AKR1C4: variants seen among roughly 807,000 people sequenced by gnomAD.
AKR1C4 encodes the protein 3-alpha-HSD1.
In AKR1C4, 44 loss-of-function variants were observed where a neutral mutation model predicts 41.0. The ratio of observed to expected loss-of-function variants is 1.07; its 90% confidence interval spans 0.84 to 1.38. AKR1C4 has a LOEUF of 1.38. Ranked by LOEUF, AKR1C4 falls within the 40% of genes most tolerant of loss-of-function variation. The pLI, the probability that AKR1C4 is intolerant of heterozygous loss-of-function variation, is 0.00. For synonymous variants in AKR1C4, 165 were observed against 137.7 expected (o/e 1.20, Z -1.39); for missense variants, 438 against 387.9 (o/e 1.13, Z -1.09).
intron 5 of AKR1C4, among the ~76,000 whole-genome samples, chr10:5,210,903 A>C (rs7475279): frequency 0.11 from 17,196 of 152,234 alleles, 1,189 homozygotes; most frequent in Admixed American, 0.17. Flanking sequence ...AGCCACCACG[A>C]CCAGCCCCAT....
chr10:5,201,227 C>A (rs1344316345), intron 2 of AKR1C4, among the ~76,000 whole-genome samples: 1 of 152,104 alleles, frequency 6.6e-6, no homozygotes, highest in African/African-American at 2.4e-5. Flanking sequence ...TCCTACCAGC[C>A]GTGTAAAAGT....
intron 6 of AKR1C4, 133 bp downstream of exon 6, chr10:5,212,858 C>T (rs1831977): frequency 7.2e-7 from 1 of 1,382,048 alleles, no homozygotes; most frequent in Non-Finnish European, 9.9e-7. Context: ...TTATGAGATA[C>T]CAGGTGATGC....
At chr10:5,202,738 C>A (rs1177300510) in intron 2 of AKR1C4, among the ~76,000 whole-genome samples, 1 of 151,822 alleles carries the variant, frequency 6.6e-6, no homozygotes, top group Non-Finnish European at 1.5e-5. Context: ...TTGAAATGAT[C>A]CTATGGTTTT....
At position 5,196,861 on chromosome 10, in the gene AKR1C4, G is replaced by A; in HGVS notation, c.-7G>A. ...CAGGATCTGCTTAGTGAAAGAAGTG[G>A]CAAGCAATGGATCCCAAATATCAGC... is the stretch of plus-strand genomic sequence containing the variant. On this transcript the variant is annotated 5_prime_UTR_variant, in exon 1 of 9. Coordinates refer to ENST00000263126, the MANE Select transcript of AKR1C4 (RefSeq NM_001818.5). 6.2e-7 allele frequency: 1 copy of A among 1,614,002 alleles called. No individual in the cohort carries two copies. The highest frequency in any genetic ancestry group is 1.1e-5 in the South Asian group (1 of 91,074).
At chr10:5,200,431 T>C in intron 2 of AKR1C4, 83 bp downstream of exon 2, 1 of 1,509,888 alleles carries the variant, frequency 6.6e-7, no homozygotes, top group East Asian at 2.3e-5. Flanking sequence ...GGTTCAGTAG[T>C]TGTGGGTGAA....
At chr10:5,217,108 A>C (rs1189979049) in intron 8 of AKR1C4, among the ~76,000 whole-genome samples, 2 of 152,258 alleles carry the variant, frequency 1.3e-5, no homozygotes, top group Non-Finnish European at 2.9e-5. Context: ...CCTAGTGGAC[A>C]GTAGATATTG....
chr10:5,217,802 T>C (rs1832676407), intron 8 of AKR1C4, among the ~76,000 whole-genome samples: 1 of 152,198 alleles, frequency 6.6e-6, no homozygotes, highest in Non-Finnish European at 1.5e-5. Flanking sequence ...AAGTCCCATC[T>C]TTGGGGATAA....
chr10:5,212,559 T>TA, intron 5 of AKR1C4, 57 bp from the exon 6 acceptor site: 1 of 1,428,716 alleles, frequency 7.0e-7, no homozygotes, highest in Non-Finnish European at 9.6e-7. Context: ...TTTTAATCTT[T>TA]ATATTAACAT....
chr10:5,212,911 A>G, intron 6 of AKR1C4, 83 bp from the exon 7 acceptor site: 4 of 1,532,030 alleles, frequency 2.6e-6, no homozygotes, highest in Admixed American at 3.9e-5. Flanking sequence ...CTGGTGCAGA[A>G]TGAACACCTT....
chr10:5,202,464 C>T (rs1490743055), intron 2 of AKR1C4: 7 of 455,740 alleles, frequency 1.5e-5, no homozygotes, highest in Admixed American at 1.4e-4. Flanking sequence ...AATACTTTGG[C>T]TTATCCTTTT....
chr10:5,205,114 G>A (rs1832464880), intron 3 of AKR1C4, among the ~76,000 whole-genome samples: 1 of 152,172 alleles, frequency 6.6e-6, no homozygotes. Context: ...TCACTGCCAT[G>A]AATACATTTC....
At chr10:5,208,629 A>C (rs782811388) in intron 5 of AKR1C4, among the ~76,000 whole-genome samples, 1 of 151,618 alleles carries the variant, frequency 6.6e-6, no homozygotes, top group Non-Finnish European at 1.5e-5. Context: ...CATAGGAATG[A>C]AGATATTCTC....
At chr10:5,213,187 C>G in intron 7 of AKR1C4, 28 bp downstream of exon 7, 1 of 1,611,142 alleles carries the variant, frequency 6.2e-7, no homozygotes, top group South Asian at 1.1e-5. Flanking sequence ...CATCAGGGCT[C>G]CTGCACAGTG....
At chr10:5,215,611 G>A (rs782488797) in intron 7 of AKR1C4, among the ~76,000 whole-genome samples, 10 of 152,158 alleles carry the variant, frequency 6.6e-5, no homozygotes, top group Non-Finnish European at 1.2e-4. Flanking sequence ...TCTTCCACCA[G>A]ATACCCTTAG....
In AKR1C4 at chr10:5,196,952, G is replaced by A; in HGVS notation, c.84+1G>A. The A allele has an allele frequency of 1.2e-6, 2 of 1,613,564 alleles. No individual in the cohort carries two copies. Among genetic ancestry groups the A allele is most frequent in the Non-Finnish European group, 1.7e-6 (2 of 1,179,494 alleles). ...ATTTGGCACCTATGCACCTCCAGAG[G>A]TAATAATCACATTTTCAGCATTGAG... On this transcript the variant is annotated splice_donor_variant, in intron 1 of 8. Coordinates refer to ENST00000263126, the MANE Select transcript of AKR1C4 (RefSeq NM_001818.5). LOFTEE classifies it high-confidence loss of function.
chr10:5,212,529 G>A, intron 5 of AKR1C4, 87 bp from the exon 6 acceptor site: 6 of 1,205,874 alleles, frequency 5.0e-6, no homozygotes, highest in South Asian at 1.7e-5. Context: ...CAAATTTAAT[G>A]TTATACTTTA....
chr10:5,200,137 C>A (rs781974631), intron 1 of AKR1C4, 44 bp from the exon 2 acceptor site: 2 of 1,584,462 alleles, frequency 1.3e-6, no homozygotes, highest in South Asian at 1.2e-5. Context: ...CACTACCTCT[C>A]AAGCACATTG....
chr10:5,215,972 A>G (rs182941678), intron 7 of AKR1C4, among the ~76,000 whole-genome samples: 2 of 152,246 alleles, frequency 1.3e-5, no homozygotes, highest in East Asian at 3.9e-4. Flanking sequence ...ATATTAGTCC[A>G]TTGTGCGTTG....
At chr10:5,218,260 T>C (rs909901522) in intron 8 of AKR1C4, among the ~76,000 whole-genome samples, 7 of 152,218 alleles carry the variant, frequency 4.6e-5, no homozygotes, top group Admixed American at 3.9e-4. Context: ...GGTAAGCAGC[T>C]AGTCAGTAAT....
Sources: gnomAD v4.1 joint callset for allele counts (sites outside exome capture counted in the v4.1 genomes callset) on GRCh38, gnomAD v4.1.1 for gene constraint, MANE v1.5 for transcripts, NCBI Gene and HGNC (gene_info 2026-07-23, HGNC 2026-07-21) for gene names.